The following GKAP1 variants were observed in gnomAD, a reference collection of about 807,000 sequenced individuals.
GKAP1 encodes the protein G kinase anchoring protein 1.
Under a neutral mutation model 56.7 loss-of-function variants are expected in GKAP1, and 31 were observed. The ratio of observed to expected loss-of-function variants is 0.55; its 90% CI spans 0.41 to 0.74. The LOEUF (loss-of-function observed/expected upper bound fraction) is 0.74, where lower values mean the gene tolerates loss of function less well. Ranked by LOEUF, GKAP1 falls within the 30% of genes least tolerant of loss-of-function variation. The probability of loss-of-function intolerance (pLI) is 0.00; values close to 1 mark genes in which losing one functional copy is unlikely to be tolerated. For missense variants in GKAP1, 364 were observed against 402.3 expected (o/e 0.90, Z 0.82); for synonymous variants, 151 against 138.6 (o/e 1.09, Z -0.63).
intron 7 of GKAP1, among the ~76,000 whole-genome samples, chr9:83,774,107 G>A (rs1943809930): frequency 6.6e-6 from 1 of 151,868 alleles, no homozygotes; most frequent in African/African-American, 2.4e-5. Flanking sequence ...CTGGCCTCAA[G>A]TGATCCACCC....
intron 9 of GKAP1, among the ~76,000 whole-genome samples, chr9:83,751,810 C>T (rs1419246811): frequency 6.7e-6 from 1 of 149,678 alleles, no homozygotes; most frequent in Non-Finnish European, 1.5e-5. Context: ...GTTAAAAATA[C>T]ATTGTATACA....
chr9:83,806,416 A>C lies in GKAP1; in HGVS notation c.102T>G (p.Gly34=), dbSNP rs1587742015. 6.2e-7 allele frequency: 1 copy of C among 1,612,000 alleles called. No individual in the cohort carries two copies. Among genetic ancestry groups the C allele is most frequent in the Non-Finnish European group, 8.5e-7 (1 of 1,178,896 alleles). The change falls in exon 3 of 13, where the codon GGT becomes GGG. Residue 34 remains glycine, a synonymous_variant. Transcript: ENST00000376371. ...GAGACTTTCCAGTATTTCGACCTTT[A>C]CCTTTTCCAGGTTCAGAATCAGAGC... ...GSGSDSEPGK[G]KGRNTGKSQT...
chr9:83,787,367 G>C (rs1944082462), intron 5 of GKAP1, among the ~76,000 whole-genome samples: 1 of 151,632 alleles, frequency 6.6e-6, no homozygotes, highest in East Asian at 1.9e-4. Context: ...CTCCCAAGTA[G>C]CTGGGAATAC....
chr9:83,808,767 G>A (rs1944471462), intron 2 of GKAP1, among the ~76,000 whole-genome samples: 1 of 152,148 alleles, frequency 6.6e-6, no homozygotes, highest in Non-Finnish European at 1.5e-5. Context: ...TCCCTGAAGG[G>A]GAATGATACT....
At chr9:83,750,033 C>T (rs1943361866) in intron 9 of GKAP1, among the ~76,000 whole-genome samples, 1 of 152,162 alleles carries the variant, frequency 6.6e-6, no homozygotes, top group Non-Finnish European at 1.5e-5. Context: ...GGGCTCCAAC[C>T]TATGTTAGTA....
chr9:83,804,050 T>C (rs1382245228), intron 3 of GKAP1, among the ~76,000 whole-genome samples: 5 of 150,340 alleles, frequency 3.3e-5, no homozygotes, highest in East Asian at 2.0e-4. Context: ...GGAGCCCCTC[T>C]GCCCGGCAGC....
chr9:83,783,211 G>A (rs1017765104), intron 6 of GKAP1, among the ~76,000 whole-genome samples: 2 of 152,070 alleles, frequency 1.3e-5, no homozygotes, highest in Non-Finnish European at 2.9e-5. Context: ...ATGTACTAAG[G>A]CTGAATTCAT....
chr9:83,813,105 C>G (rs1290206174), intron 2 of GKAP1, among the ~76,000 whole-genome samples: 1 of 152,194 alleles, frequency 6.6e-6, no homozygotes, highest in Non-Finnish European at 1.5e-5. Context: ...TAAACTTCTG[C>G]ATCTCCACAT....
chr9:83,778,837 A>G (rs945344066), intron 7 of GKAP1, among the ~76,000 whole-genome samples: 1 of 150,848 alleles, frequency 6.6e-6, no homozygotes. Context: ...TTCAAAATGA[A>G]TTTTATTATA....
At chr9:83,763,067 G>T (rs544681890) in intron 8 of GKAP1, among the ~76,000 whole-genome samples, 1 of 152,248 alleles carries the variant, frequency 6.6e-6, no homozygotes, top group East Asian at 1.9e-4. Flanking sequence ...AATAAATAAA[G>T]AAAATGTGGT....
At chr9:83,778,899 G>A (rs1943906185) in intron 7 of GKAP1, among the ~76,000 whole-genome samples, 1 of 151,800 alleles carries the variant, frequency 6.6e-6, no homozygotes, top group Non-Finnish European at 1.5e-5. Context: ...GGAAAGACAA[G>A]ATATATTATT....
intron 4 of GKAP1, among the ~76,000 whole-genome samples, chr9:83,796,432 A>T (rs1163407531): frequency 6.6e-6 from 1 of 152,160 alleles, no homozygotes; most frequent in Non-Finnish European, 1.5e-5. Flanking sequence ...TTAATCTGCT[A>T]TGATTTTACT....
At chr9:83,741,425 G>C (rs1356912170) in intron 12 of GKAP1, among the ~76,000 whole-genome samples, 1 of 150,882 alleles carries the variant, frequency 6.6e-6, no homozygotes. Flanking sequence ...CTTCATCCTG[G>C]AACAAACTGC....
intron 3 of GKAP1, among the ~76,000 whole-genome samples, chr9:83,803,289 C>A (rs1944364100): frequency 1.3e-5 from 2 of 150,238 alleles, no homozygotes; most frequent in Admixed American, 6.6e-5. Context: ...TCCACGGTCT[C>A]CCTCTGATGC....
At chr9:83,772,418 TG>T (rs1943778477) in intron 7 of GKAP1, among the ~76,000 whole-genome samples, 1 of 152,140 alleles carries the variant, frequency 6.6e-6, no homozygotes, top group Admixed American at 6.6e-5. Context: ...ACTCAAAATA[TG>T]GATCACAGAC....
intron 12 of GKAP1, 46 bp from the exon 13 acceptor site, chr9:83,739,790 T>C: frequency 6.8e-7 from 1 of 1,474,330 alleles, no homozygotes; most frequent in Non-Finnish European, 9.3e-7. Flanking sequence ...CAACATACCA[T>C]TTTGGGACCA....
chr9:83,791,317 G>A (rs1423883418), intron 4 of GKAP1, among the ~76,000 whole-genome samples: 2 of 151,882 alleles, frequency 1.3e-5, no homozygotes, highest in Admixed American at 1.3e-4. Context: ...GCACGAGAAT[G>A]GTGTGAACCC....
At position 83,739,653 on chromosome 9, in the gene GKAP1, C is replaced by A. The variant is rs757308868; in HGVS notation, c.*44G>T. ...TTAAATATATACAACTTTGCAAAAT[C>A]CTGGAAGTTTTAAACTTTGTGTTGA... is the stretch of plus-strand genomic sequence containing the variant. On this transcript the variant is annotated 3_prime_UTR_variant, in exon 13 of 13. Transcript: ENST00000376371. The A allele has an allele frequency of 1.3e-6, 2 of 1,539,386 alleles. No individual in the cohort carries two copies. The highest frequency in any genetic ancestry group is 8.8e-7 in the Non-Finnish European group (1 of 1,132,194).
chr9:83,815,254 C>G (rs765819595), intron 2 of GKAP1, among the ~76,000 whole-genome samples: 9 of 152,002 alleles, frequency 5.9e-5, no homozygotes, highest in Admixed American at 3.9e-4. Context: ...AAATGAATAG[C>G]CTAAGCTACA....
Sources: allele counts gnomAD v4.1 joint callset (sites outside exome capture counted in the v4.1 genomes callset), GRCh38; gene constraint gnomAD v4.1.1; transcripts MANE v1.5; gene names NCBI Gene and HGNC (gene_info 2026-07-23, HGNC 2026-07-21).